Variants in NEK1 observed in about 807,000 individuals in gnomAD.
The protein encoded by NEK1 is serine/threonine-protein kinase Nek1.
In NEK1, 137 loss-of-function variants were observed where a neutral mutation model predicts 182.1. The ratio of observed to expected loss-of-function variants is 0.75; its 90% CI spans 0.65 to 0.87. NEK1 has a LOEUF of 0.87. Among genes scored for constraint, NEK1 ranks in the 40% least tolerant of loss-of-function variants. The pLI is 0.00. For missense variants in NEK1, 1,391 were observed against 1,494.4 expected, an observed-to-expected ratio of 0.93 and a Z score of 1.14; for synonymous variants, 513 against 492.2, an observed-to-expected ratio of 1.04 and a Z score of -0.56.
intron 27 of NEK1, among the ~76,000 whole-genome samples, chr4:169,454,004 A>G (rs927649725): frequency 9.2e-5 from 14 of 152,202 alleles, no homozygotes; most frequent in African/African-American, 3.4e-4. Context: ...AGAACAGAAC[A>G]GAGGCTTCAG....
At chr4:169,591,360 C>T (rs1768477199) in intron 5 of NEK1, among the ~76,000 whole-genome samples, 2 of 152,078 alleles carry the variant, frequency 1.3e-5, no homozygotes, top group South Asian at 4.2e-4. Flanking sequence ...CTATGTTGCC[C>T]AGGCTAGTGG....
chr4:169,549,712 G>A (rs1237148605), intron 18 of NEK1, among the ~76,000 whole-genome samples: 4 of 150,408 alleles, frequency 2.7e-5, no homozygotes, highest in East Asian at 2.0e-4. Context: ...TGTAAGCCAC[G>A]ACACCCGGTC....
At chr4:169,584,182 C>T (rs1243764628) in intron 10 of NEK1, among the ~76,000 whole-genome samples, 1 of 151,484 alleles carries the variant, frequency 6.6e-6, no homozygotes, top group East Asian at 1.9e-4. Context: ...CAGTTAAACT[C>T]AACAAATATT....
chr4:169,473,484 A>G (rs930425539), intron 26 of NEK1, among the ~76,000 whole-genome samples: 4 of 152,166 alleles, frequency 2.6e-5, no homozygotes, highest in Non-Finnish European at 5.9e-5. Context: ...CCATAATGCA[A>G]TATATACATG....
rs946288932 is a variant in NEK1 at position 169,402,891 on chromosome 4, A to G, written c.3375-1031T>C. Among the ~76,000 whole-genome samples the G allele has an allele frequency of 6.6e-5, 10 of 151,750 alleles. No homozygotes were observed. In the South Asian group the frequency reaches 8.3e-4, roughly 13 times the overall value. On this transcript the variant is annotated intron_variant, in intron 32 of 35. Coordinates refer to ENST00000507142, the MANE Select transcript of NEK1 (RefSeq NM_001199397.3). ...TGTAAATGGAAAAGTTTGTAGACTA[A>G]AGGAGTTAACTGATGTTTTAGATGT...
chr4:169,594,188 T>C (rs879310949), intron 5 of NEK1, among the ~76,000 whole-genome samples: 26 of 152,260 alleles, frequency 1.7e-4, no homozygotes, highest in Middle Eastern at 3.4e-3. Flanking sequence ...GAATTACAGT[T>C]GTATGTTATT....
At chr4:169,495,759 T>C (rs1351609020) in intron 23 of NEK1, among the ~76,000 whole-genome samples, 4 of 152,226 alleles carry the variant, frequency 2.6e-5, no homozygotes, top group Non-Finnish European at 5.9e-5. Context: ...TCCATTGGTC[T>C]ATACCTCTGC....
intron 31 of NEK1, among the ~76,000 whole-genome samples, chr4:169,418,922 C>T (rs1223612832): frequency 2.0e-5 from 3 of 152,018 alleles, no homozygotes; most frequent in East Asian, 1.9e-4. Context: ...TAAACACACA[C>T]ACATTACAGA....
At chr4:169,446,881 G>C (rs1299208494) in intron 27 of NEK1, among the ~76,000 whole-genome samples, 2 of 151,936 alleles carry the variant, frequency 1.3e-5, no homozygotes, top group African/African-American at 4.8e-5. Flanking sequence ...AAAAACAATT[G>C]AAAATACATA....
At chr4:169,526,148 T>G (rs1001985430) in intron 19 of NEK1, among the ~76,000 whole-genome samples, 3 of 152,238 alleles carry the variant, frequency 2.0e-5, no homozygotes, top group African/African-American at 7.2e-5. Context: ...AACTGCATTT[T>G]TTGTTTCAAA....
intron 12 of NEK1, among the ~76,000 whole-genome samples, chr4:169,562,599 C>T (rs1272553470): frequency 6.6e-6 from 1 of 152,006 alleles, no homozygotes; most frequent in Non-Finnish European, 1.5e-5. Context: ...TTTTGCTCTC[C>T]ACCTCCAGAG....
chr4:169,559,010 AAT>A (rs1314833147), intron 16 of NEK1, among the ~76,000 whole-genome samples: 1 of 152,192 alleles, frequency 6.6e-6, no homozygotes, highest in East Asian at 1.9e-4. Flanking sequence ...ATGAGGAATA[AAT>A]ATAGAAACTA....
At chr4:169,558,102 T>C (rs1762406104) in intron 16 of NEK1, among the ~76,000 whole-genome samples, 1 of 152,196 alleles carries the variant, frequency 6.6e-6, no homozygotes, top group African/African-American at 2.4e-5. Context: ...AATTCAGTTA[T>C]AAGGTGGTCA....
chr4:169,512,916 G>C (rs1754420693), intron 19 of NEK1, among the ~76,000 whole-genome samples: 1 of 152,044 alleles, frequency 6.6e-6, no homozygotes, highest in African/African-American at 2.4e-5. Flanking sequence ...ATATTTGTGT[G>C]CATCTATTCT....
chr4:169,406,655 A>C lies in NEK1; in HGVS notation c.3315T>G (p.Leu1105=). 6.2e-7 allele frequency: 1 copy of C among 1,609,106 alleles called. No individual in the cohort carries two copies. Among genetic ancestry groups the C allele is most frequent in the Non-Finnish European group, 8.5e-7 (1 of 1,177,464 alleles). The change falls in exon 32 of 36, where the codon CTT becomes CTG. Residue 1105 remains leucine, a synonymous_variant. Coordinates refer to ENST00000507142, the MANE Select transcript of NEK1 (RefSeq NM_001199397.3). ...TTTCATCTTCAATTTCATCTATTTC[A>C]AGATTGTCTTGACGAACATCTCCTA... The part of the protein sequence containing the change: ...PTVGDVRQDN[L]EIDEIEDENI...
chr4:169,543,583 G>C (rs1759837367), intron 18 of NEK1, among the ~76,000 whole-genome samples: 1 of 152,184 alleles, frequency 6.6e-6, no homozygotes, highest in Non-Finnish European at 1.5e-5. Flanking sequence ...GGGCAGTATA[G>C]TCATTTTCAC....
intron 23 of NEK1, among the ~76,000 whole-genome samples, chr4:169,494,445 G>T (rs1412261972): frequency 6.6e-6 from 1 of 152,202 alleles, no homozygotes; most frequent in Non-Finnish European, 1.5e-5. Flanking sequence ...TTTGATGGCT[G>T]CATAGTATTC....
At chr4:169,549,408 T>C (rs944280761) in intron 18 of NEK1, among the ~76,000 whole-genome samples, 5 of 152,186 alleles carry the variant, frequency 3.3e-5, no homozygotes, top group Non-Finnish European at 7.4e-5. Flanking sequence ...TATTCGGCCA[T>C]CTTGCCAGCT....
chr4:169,504,844 T>C (rs1752972487), intron 23 of NEK1, among the ~76,000 whole-genome samples: 1 of 152,168 alleles, frequency 6.6e-6, no homozygotes, highest in Non-Finnish European at 1.5e-5. Context: ...CAATAATTTA[T>C]TGTACCTTTA....
Sources: gnomAD v4.1 joint callset for allele counts (sites outside exome capture counted in the v4.1 genomes callset) on GRCh38, gnomAD v4.1.1 for gene constraint, MANE v1.5 for transcripts, NCBI Gene and HGNC (gene_info 2026-07-23, HGNC 2026-07-21) for gene names.